TMEM39B: variants seen among roughly 807,000 people sequenced by gnomAD.
TMEM39B encodes transmembrane protein 39B.
TMEM39B carries 23 observed loss-of-function variants against 52.2 expected under a neutral mutation model. That is an observed-to-expected ratio of 0.44 (90% CI 0.32 to 0.62). The LOEUF (loss-of-function observed/expected upper bound fraction) is 0.62. Among genes scored for constraint, TMEM39B ranks in the 20% least tolerant of loss-of-function variants. The pLI, the probability that TMEM39B is intolerant of heterozygous loss-of-function variation, is 0.06. For synonymous variants in TMEM39B, 285 were observed against 264.0 expected, an observed-to-expected ratio of 1.08 and a Z score of -0.77; for missense variants, 547 against 642.0, an observed-to-expected ratio of 0.85 and a Z score of 1.60.
chr1:32,090,009 A>G (rs1217129285), intron 5 of TMEM39B, among the ~76,000 whole-genome samples: 1 of 151,600 alleles, frequency 6.6e-6, no homozygotes, highest in Non-Finnish European at 1.5e-5. Flanking sequence ...AGCCTGAGCA[A>G]CAGAGTGAGA....
chr1:32,092,235 C>T (rs1332279132), intron 6 of TMEM39B, among the ~76,000 whole-genome samples: 9 of 152,186 alleles, frequency 5.9e-5, no homozygotes, highest in African/African-American at 1.2e-4. Context: ...TGGGTCACTG[C>T]AGCCTCAACC....
intron 7 of TMEM39B, among the ~76,000 whole-genome samples, chr1:32,097,698 G>A (rs1379632746): frequency 6.6e-6 from 1 of 151,596 alleles, no homozygotes; most frequent in Non-Finnish European, 1.5e-5. Context: ...AGGCTGGAGT[G>A]CAGTGGTGTG....
chr1:32,093,399 CTTTTTTTTTTTTT>C (rs34793281), intron 6 of TMEM39B, among the ~76,000 whole-genome samples: 10 of 50,330 alleles, frequency 2.0e-4, no homozygotes, highest in African/African-American at 3.8e-4. Context: ...AAGCCCGGCC[CTTTTTTTTTTTTT>C]TTTTTTTTTT....
intron 7 of TMEM39B, among the ~76,000 whole-genome samples, chr1:32,096,370 T>C (rs1182299117): frequency 1.3e-5 from 2 of 152,046 alleles, no homozygotes; most frequent in Non-Finnish European, 2.9e-5. Context: ...GTTTGCTTAG[T>C]TACCTGCCTG....
At chr1:32,079,970 T>C (rs574362119) in intron 5 of TMEM39B, among the ~76,000 whole-genome samples, 58 of 152,050 alleles carry the variant, frequency 3.8e-4, no homozygotes, top group African/African-American at 1.4e-3. Context: ...GGTTTCTCCA[T>C]GTTGGTCAGG....
intron 1 of TMEM39B, among the ~76,000 whole-genome samples, chr1:32,074,676 T>G (rs1347745505): frequency 6.6e-6 from 1 of 151,994 alleles, no homozygotes; most frequent in Non-Finnish European, 1.5e-5. Flanking sequence ...GCTTTCCAGA[T>G]AGGATATTAT....
Position 32,102,627 on chromosome 1 carries a change from C to T in TMEM39B, c.1433C>T (p.Ser478Leu), listed in dbSNP as rs893941241. Residue 478 changes from serine to leucine, a missense_variant, in exon 9 of 9, where the codon TCA becomes TTA. Coordinates refer to ENST00000336294, the MANE Select transcript of TMEM39B (RefSeq NM_018056.4). ...RDRLVLGKAYSYSASPQRDLD... is the reference protein window; with the variant it reads ...RDRLVLGKAYLYSASPQRDLD... ...CGCTTGGTATTGGGCAAGGCCTACTCATACTCTGCTAGCCCCCAGAGAGAC... is the reference window on the plus strand; with the variant it reads ...CGCTTGGTATTGGGCAAGGCCTACTTATACTCTGCTAGCCCCCAGAGAGAC... 1.9e-6 allele frequency: 3 copies of T among 1,611,484 alleles called. No individual in the cohort carries two copies. Among genetic ancestry groups the T allele is most frequent in the South Asian group, 1.1e-5 (1 of 90,748 alleles).
chr1:32,094,854 T>G lies in TMEM39B; in HGVS notation c.998T>G (p.Ile333Ser). ...CTGGTGTCCATCAGCACCTCCGTGA[T>G]CCTCATGCAGCACCTGCTGCCTGCC... Reference protein sequence around the residue: ...FLLVSISTSVILMQHLLPASY... With the variant: ...FLLVSISTSVSLMQHLLPASY... The change falls in exon 7 of 9, where the codon ATC becomes AGC. Residue 333 changes from isoleucine (I) to serine (S), a missense_variant. By Grantham distance (142) the Ile-to-Ser change is moderately radical. Transcript: ENST00000336294. 1 of 1,614,228 alleles carries G rather than the reference T, an allele frequency of 6.2e-7. No homozygotes were observed.
chr1:32,095,255 G>A (rs562681615), intron 7 of TMEM39B, among the ~76,000 whole-genome samples: 1 of 152,190 alleles, frequency 6.6e-6, no homozygotes, highest in South Asian at 2.1e-4. Flanking sequence ...TGCCTTACTT[G>A]CTCATGCTTC....
rs540592286 is a variant in TMEM39B, at chr1:32,087,266, C to T, written c.591-4409C>T. Reference sequence around the variant, plus strand: ...CCGGGAGGGGGAGGTTGCAGTGAGCCGAGAATGCACGACTGTACTCCAGTC... The same window carrying T: ...CCGGGAGGGGGAGGTTGCAGTGAGCTGAGAATGCACGACTGTACTCCAGTC... On this transcript the variant is annotated intron_variant, in intron 5 of 8. Transcript: ENST00000336294. 1.7e-3 allele frequency among the ~76,000 whole-genome samples: 234 copies of T among 139,252 alleles called. 2 individuals carry two copies. Among genetic ancestry groups the T allele is most frequent in the African/African-American group, 6.1e-3 (223 of 36,808 alleles). 91.4% of individuals were successfully genotyped at this position (139,252 alleles called of 152,430 possible).
chr1:32,084,127 T>G (rs1640236050), intron 5 of TMEM39B, among the ~76,000 whole-genome samples: 1 of 152,230 alleles, frequency 6.6e-6, no homozygotes, highest in Non-Finnish European at 1.5e-5. Context: ...ATATGGCTTT[T>G]TATTTTTCTT....
intron 3 of TMEM39B, 70 bp from the exon 4 acceptor site, chr1:32,076,693 G>A (rs545501540): frequency 6.9e-7 from 1 of 1,441,972 alleles, no homozygotes. Flanking sequence ...GGCAGCGGGA[G>A]GTGGGTATGA....
At chr1:32,084,777 A>AG (rs1640270625) in intron 5 of TMEM39B, among the ~76,000 whole-genome samples, 1 of 152,092 alleles carries the variant, frequency 6.6e-6, no homozygotes, top group African/African-American at 2.4e-5. Flanking sequence ...CATGTTGGTC[A>AG]GGCTGGTCTC....
At chr1:32,080,354 G>C (rs901007140) in intron 5 of TMEM39B, among the ~76,000 whole-genome samples, 1 of 151,778 alleles carries the variant, frequency 6.6e-6, no homozygotes, top group Non-Finnish European at 1.5e-5. Flanking sequence ...CCTTCGAAAG[G>C]GTTGCACTGG....
intron 7 of TMEM39B, 102 bp downstream of exon 7, chr1:32,095,073 AT>A: frequency 7.4e-7 from 1 of 1,350,988 alleles, no homozygotes; most frequent in Non-Finnish European, 1.0e-6. Flanking sequence ...GCAAATAGTT[AT>A]TGAGCGTGTC....
In TMEM39B at chr1:32,102,496, C is replaced by G. The variant is rs775105486; in HGVS notation, c.1302C>G (p.Val434=). ...TGCTGCTGGAGGGCGCTGTCATTGT[C>G]TATCAGCTGTACTCCCTAATGTCCT... ...ILLLLEGAVI[V]YQLYSLMSSE... is the part of the protein sequence containing the mutation. Residue 434 remains valine (V), a synonymous_variant, in exon 9 of 9, where the codon GTC becomes GTG. Coordinates refer to ENST00000336294, the MANE Select transcript of TMEM39B (RefSeq NM_018056.4). 3.7e-6 allele frequency: 6 copies of G among 1,614,218 alleles called. No homozygotes were observed. The South Asian group carries it at 5.5e-5, about 15-fold the overall frequency.
chr1:32,077,177 G>A lies in TMEM39B; in HGVS notation c.449G>A (p.Gly150Glu). The A allele has an allele frequency of 6.2e-7, 1 of 1,614,110 alleles. No homozygotes were observed. Among genetic ancestry groups the A allele is most frequent in the Non-Finnish European group, 8.5e-7 (1 of 1,180,026 alleles). ...GSIVKEASQR[G>E]KVSLFRSILL... ...GCCCCGACCCAGGCCTCTCAGAGGG[G>A]GAAGGTCTCCCTCTTTCGCTCCATC... Residue 150 changes from glycine to glutamate, a missense_variant, in exon 5 of 9, where the codon GGG (glycine) becomes GAG (glutamate). Physicochemically the swap from Gly to Glu is moderately conservative, Grantham distance 98 (BLOSUM62 -2). Transcript: ENST00000336294.
At chr1:32,075,147 C>A in intron 2 of TMEM39B, 70 bp downstream of exon 2, 1 of 1,482,768 alleles carries the variant, frequency 6.7e-7, no homozygotes, top group Non-Finnish European at 9.0e-7. Context: ...CTCTCTCTGA[C>A]TGGATTCTAA....
In TMEM39B at chr1:32,075,029, G is replaced by C; in HGVS notation, c.83G>C (p.Gly28Ala). The C allele has an allele frequency of 6.4e-7, 1 of 1,551,554 alleles. No homozygotes were observed. The highest frequency in any genetic ancestry group is 8.7e-7 in the Non-Finnish European group (1 of 1,146,960). ...CEPGSSGGSS[G>A]SHTSSASVTS... ...CCGGGATCCTCGGGGGGCTCTAGTGGAAGCCACACTTCCAGTGCATCGGTG... is the reference window on the plus strand; with the variant it reads ...CCGGGATCCTCGGGGGGCTCTAGTGCAAGCCACACTTCCAGTGCATCGGTG... The change falls in exon 2 of 9, where the codon GGA becomes GCA. Residue 28 changes from glycine to alanine, a missense_variant. Transcript: ENST00000336294.
Sources: gnomAD v4.1 joint callset for allele counts (sites outside exome capture counted in the v4.1 genomes callset) on GRCh38, gnomAD v4.1.1 for gene constraint, MANE v1.5 for transcripts, NCBI Gene and HGNC (gene_info 2026-07-23, HGNC 2026-07-21) for gene names.